The following MGAT5 variants were observed in gnomAD, a reference collection of about 807,000 sequenced individuals.
MGAT5 encodes the protein alpha-1,6-mannosylglycoprotein 6-beta-N-acetylglucosaminyltransferase.
MGAT5 carries 30 observed loss-of-function variants against 94.3 expected under a neutral mutation model. That is an observed-to-expected ratio of 0.32 (90% confidence interval 0.24 to 0.43). MGAT5 has a LOEUF of 0.43. Among genes scored for constraint, MGAT5 ranks in the 20% least tolerant of loss-of-function variants. MGAT5 has a pLI of 1.00. For missense variants in MGAT5, 691 were observed against 905.5 expected (o/e 0.76, Z 3.04); for synonymous variants, 310 against 322.9 (o/e 0.96, Z 0.43).
intron 15 of MGAT5, among the ~76,000 whole-genome samples, chr2:134,444,594 C>CCAATTAG (rs1685669387): frequency 6.6e-6 from 1 of 152,268 alleles, no homozygotes. Flanking sequence ...ATATTCATAG[C>CCAATTAG]CAATTAGCAA....
intron 2 of MGAT5, among the ~76,000 whole-genome samples, chr2:134,316,856 G>A (rs944400381): frequency 5.9e-5 from 9 of 152,068 alleles, no homozygotes; most frequent in Non-Finnish European, 1.0e-4. Context: ...ATTTGTTTTC[G>A]TTTTGACCCT....
At chr2:134,266,661 A>G (rs1022541062) in intron 1 of MGAT5, among the ~76,000 whole-genome samples, 7 of 152,150 alleles carry the variant, frequency 4.6e-5, no homozygotes, top group Non-Finnish European at 8.8e-5. Context: ...AGTTTGTTTC[A>G]CTCATTCATT....
Position 134,394,388 on chromosome 2 carries a change from G to A in MGAT5, c.1381-8600G>A, listed in dbSNP as rs780039229. 8.8e-4 allele frequency among the ~76,000 whole-genome samples: 134 copies of A among 152,258 alleles called. 1 individual carries two copies. The highest frequency in any genetic ancestry group is 1.4e-3 in the Non-Finnish European group (93 of 68,014). ...AATGTTTCTTGATCAACTGAGTAAA[G>A]ATCAATTGACATCTGCTAATACTGT... On this transcript the variant is annotated intron_variant, in intron 10 of 15. Transcript: ENST00000281923.
intron 1 of MGAT5, among the ~76,000 whole-genome samples, chr2:134,207,904 T>C (rs1484741685): frequency 1.3e-5 from 2 of 152,238 alleles, no homozygotes; most frequent in Non-Finnish European, 2.9e-5. Context: ...CCTTGTTGGT[T>C]TGTGTGTCAT....
chr2:134,145,499 T>C (rs889544649), intron 1 of MGAT5, among the ~76,000 whole-genome samples: 5 of 152,178 alleles, frequency 3.3e-5, no homozygotes, highest in African/African-American at 1.2e-4. Context: ...TGAGCCGAGG[T>C]TGTGCCACTG....
At chr2:134,313,914 T>C (rs1686847949) in intron 2 of MGAT5, among the ~76,000 whole-genome samples, 1 of 152,178 alleles carries the variant, frequency 6.6e-6, no homozygotes, top group African/African-American at 2.4e-5. Flanking sequence ...AACTTTAACC[T>C]TTTTTGGCTC....
At chr2:134,219,568 C>T (rs904583562) in intron 1 of MGAT5, among the ~76,000 whole-genome samples, 3 of 152,046 alleles carry the variant, frequency 2.0e-5, no homozygotes, top group Non-Finnish European at 4.4e-5. Context: ...CCTGAGGTGC[C>T]CCGGAGTGCC....
Position 134,321,699 on chromosome 2 carries a change from G to A in MGAT5, c.573+2960G>A, listed in dbSNP as rs111769969. Among the ~76,000 whole-genome samples the A allele has an allele frequency of 1.0e-3, 159 of 152,250 alleles. 1 individual carries two copies. The highest frequency in any genetic ancestry group is 3.8e-3 in the African/African-American group (158 of 41,550). ...ACCACTCTCTTCTTATGCAGATATC[G>A]GGTGGTCTTTTTGTTGCTTGGCTGA... On this transcript the variant is annotated intron_variant, in intron 4 of 15. Coordinates refer to ENST00000281923, the MANE Select transcript of MGAT5 (RefSeq NM_002410.5).
In MGAT5 at chr2:134,345,651, A is replaced by G. The variant is rs930719935; in HGVS notation, c.1112+587A>G. Among the ~76,000 whole-genome samples the G allele has an allele frequency of 7.2e-5, 11 of 152,182 alleles. No homozygotes were observed. In the East Asian group the frequency reaches 1.9e-3, roughly 27 times the overall value. The stretch of plus-strand genomic sequence containing the variant: ...AATATTTGAAATGCTTTTACCTGGT[A>G]TACAAACATGGCACTAAATCACAAT... On this transcript the variant is annotated intron_variant, in intron 8 of 15. Transcript: ENST00000281923.
chr2:134,162,266 T>A (rs551610545), intron 1 of MGAT5, among the ~76,000 whole-genome samples: 16 of 152,248 alleles, frequency 1.1e-4, no homozygotes, highest in African/African-American at 3.9e-4. Context: ...GTAATTTTCT[T>A]GTACTCATGG....
At chr2:134,412,153 T>C (rs1683704340) in intron 11 of MGAT5, among the ~76,000 whole-genome samples, 1 of 152,130 alleles carries the variant, frequency 6.6e-6, no homozygotes, top group African/African-American at 2.4e-5. Context: ...CTGTGGTTGC[T>C]CTGAGGACTG....
Position 134,345,023 on chromosome 2 carries a change from T to C in MGAT5, c.1071T>C (p.Ala357=). 4.3e-6 allele frequency: 7 copies of C among 1,613,604 alleles called. No homozygotes were observed. Among genetic ancestry groups the C allele is most frequent in the Non-Finnish European group, 5.9e-6 (7 of 1,179,696 alleles). ...ELIYIDIVGL[A]QFKKTLGPSW... is the part of the protein sequence containing the mutation. ...TTTACATTGATATTGTAGGACTTGC[T>C]CAATTCAAGAAAACTCTTGGACCAT... Residue 357 remains alanine, a synonymous_variant, in exon 8 of 16, where the codon GCT becomes GCC. Transcript: ENST00000281923.
chr2:134,303,018 C>T (rs1249471973), intron 2 of MGAT5, among the ~76,000 whole-genome samples: 2 of 151,912 alleles, frequency 1.3e-5, no homozygotes, highest in Non-Finnish European at 2.9e-5. Flanking sequence ...TATTTTTTGT[C>T]TCTTTTCTCT....
rs1203106231 is a variant in MGAT5 at position 134,375,680 on chromosome 2, G to C, written c.1380+13272G>C. 2.0e-5 allele frequency among the ~76,000 whole-genome samples: 3 copies of C among 152,222 alleles called. No homozygotes were observed. The East Asian group carries it at 5.8e-4, about 29-fold the overall frequency. On this transcript the variant is annotated intron_variant, in intron 10 of 15. Coordinates refer to ENST00000281923, the MANE Select transcript of MGAT5 (RefSeq NM_002410.5). ...ATACCGACTTGGTCAAGGGAAAAAT[G>C]AGGGAAATTTTTAAATGAAGTTAAA...
At chr2:134,156,441 T>C (rs1433453680) in intron 1 of MGAT5, among the ~76,000 whole-genome samples, 13 of 152,184 alleles carry the variant, frequency 8.5e-5, no homozygotes, top group South Asian at 2.1e-4. Context: ...CCTGCCTCTT[T>C]TGTTGCCCAG....
At chr2:134,126,901 A>G (rs541116956) in intron 1 of MGAT5, among the ~76,000 whole-genome samples, 6 of 151,688 alleles carry the variant, frequency 4.0e-5, no homozygotes, top group Non-Finnish European at 1.5e-5. Context: ...TTTTTTTTAA[A>G]CCATCTTATT....
intron 4 of MGAT5, among the ~76,000 whole-genome samples, chr2:134,328,020 A>G (rs1687743962): frequency 6.6e-6 from 1 of 152,142 alleles, no homozygotes; most frequent in Admixed American, 6.6e-5. Context: ...GAGAGTTGCT[A>G]TAGAAAGTAT....
intron 1 of MGAT5, among the ~76,000 whole-genome samples, chr2:134,149,923 C>T (rs1687096217): frequency 6.6e-6 from 1 of 152,182 alleles, no homozygotes; most frequent in Non-Finnish European, 1.5e-5. Flanking sequence ...GAAGGTTACC[C>T]AAAGATGTGG....
At chr2:134,357,523 C>T (rs924067552) in intron 9 of MGAT5, among the ~76,000 whole-genome samples, 2 of 152,198 alleles carry the variant, frequency 1.3e-5, no homozygotes, top group African/African-American at 4.8e-5. Context: ...AGTTAACTTC[C>T]ATGTACAATT....
Sources: gnomAD v4.1 joint callset for allele counts (sites outside exome capture counted in the v4.1 genomes callset) on GRCh38, gnomAD v4.1.1 for gene constraint, MANE v1.5 for transcripts, NCBI Gene and HGNC (gene_info 2026-07-23, HGNC 2026-07-21) for gene names.